The following SEC22A variants were observed in gnomAD, a reference collection of about 807,000 sequenced individuals.
The protein encoded by SEC22A is SEC22 homolog A, vesicle trafficking protein, also known as vesicle-trafficking protein SEC22a.
A neutral mutation model predicts 35.3 loss-of-function variants in SEC22A; 22 were observed. The ratio of observed to expected loss-of-function variants is 0.62; its 90% CI spans 0.45 to 0.89. The LOEUF is 0.89. SEC22A is among the 40% of genes least tolerant of loss of function. SEC22A has a pLI of 0.00. For synonymous variants in SEC22A, 119 were observed against 129.5 expected, an observed-to-expected ratio of 0.92 and a Z score of 0.55; for missense variants, 354 against 362.5, an observed-to-expected ratio of 0.98 and a Z score of 0.19.
At chr3:123,216,928 G>A (rs984258167) in intron 2 of SEC22A, among the ~76,000 whole-genome samples, 9 of 152,098 alleles carry the variant, frequency 5.9e-5, no homozygotes, top group Non-Finnish European at 1.2e-4. Flanking sequence ...CTGGGTTCAC[G>A]TGATCCTCCT....
At chr3:123,229,294 C>T (rs979014184) in intron 4 of SEC22A, among the ~76,000 whole-genome samples, 7 of 152,094 alleles carry the variant, frequency 4.6e-5, no homozygotes, top group African/African-American at 1.7e-4. Context: ...TGTCCCTGAA[C>T]CTAAAATAAA....
chr3:123,205,424 C>T (rs1478404847), intron 1 of SEC22A, among the ~76,000 whole-genome samples: 1 of 152,170 alleles, frequency 6.6e-6, no homozygotes, highest in Non-Finnish European at 1.5e-5. Context: ...CGCAGTGGCT[C>T]ACACCTGTAA....
chr3:123,253,639 G>A (rs1339283080), intron 5 of SEC22A, among the ~76,000 whole-genome samples: 1 of 150,990 alleles, frequency 6.6e-6, no homozygotes, highest in Admixed American at 6.6e-5. Context: ...TTGAACCTGG[G>A]AGGCGGAGGT....
At chr3:123,237,489 G>C (rs990885199) in intron 4 of SEC22A, among the ~76,000 whole-genome samples, 1 of 152,152 alleles carries the variant, frequency 6.6e-6, no homozygotes, top group African/African-American at 2.4e-5. Flanking sequence ...AATAGGAATT[G>C]CTACCTATAC....
intron 6 of SEC22A, among the ~76,000 whole-genome samples, chr3:123,265,322 A>G (rs915002984): frequency 1.3e-4 from 20 of 152,162 alleles, no homozygotes; most frequent in African/African-American, 4.8e-4. Flanking sequence ...CTGAGGGACA[A>G]CTGTATATTC....
At chr3:123,250,090 C>G (rs1300591468) in intron 5 of SEC22A, among the ~76,000 whole-genome samples, 1 of 152,108 alleles carries the variant, frequency 6.6e-6, no homozygotes, top group South Asian at 2.1e-4. Flanking sequence ...AAAAATCCAT[C>G]ATTAAAACAC....
At chr3:123,266,033 G>T (rs1938017708) in intron 6 of SEC22A, among the ~76,000 whole-genome samples, 2 of 152,102 alleles carry the variant, frequency 1.3e-5, no homozygotes, top group East Asian at 3.8e-4. Context: ...GGTAGTTTGT[G>T]TTTTTTGAGG....
rs1937829781 is a variant in SEC22A, at chr3:123,259,556, A to G, written c.690A>G (p.Ala230=). Residue 230 remains alanine (A), a synonymous_variant, in exon 6 of 7, where the codon GCA becomes GCG. Coordinates refer to ENST00000492595, the MANE Select transcript of SEC22A (RefSeq NM_012430.5). The part of the protein sequence containing the change: ...SDGDDFNYII[A]FFLGTAACLY... ...GTGATGATTTTAATTACATCATTGC[A>G]TTTTTCCTTGGAACAGCAGCCTGCC... 5.0e-6 allele frequency: 8 copies of G among 1,613,176 alleles called. No homozygotes were observed. Among genetic ancestry groups the G allele is most frequent in the Non-Finnish European group, 6.8e-6 (8 of 1,179,468 alleles).
chr3:123,222,575 T>A (rs1298278566), intron 2 of SEC22A, among the ~76,000 whole-genome samples: 1 of 152,196 alleles, frequency 6.6e-6, no homozygotes, highest in Admixed American at 6.5e-5. Context: ...AAGAATACAC[T>A]TTTTCCTTTT....
rs1225078170 is a variant in SEC22A, at chr3:123,271,713, T to C, written c.915T>C (p.Tyr305=). Residue 305 remains tyrosine (Y), a synonymous_variant, in exon 7 of 7, where the codon TAT becomes TAC. Coordinates refer to ENST00000492595, the MANE Select transcript of SEC22A (RefSeq NM_012430.5). ...AAGCCCAGGGCAAGGCTCCCGATTA[T>C]GATGTCTGACACCATCCTTCAGATC... ...LRQAQGKAPD[Y]DV is the part of the protein sequence containing the mutation. The C allele has an allele frequency of 6.2e-7, 1 of 1,613,924 alleles. No individual in the cohort carries two copies. Among genetic ancestry groups the C allele is most frequent in the South Asian group, 1.1e-5 (1 of 91,078 alleles).
chr3:123,250,850 C>T lies in SEC22A; in HGVS notation c.657+4836C>T, dbSNP rs375761531. On this transcript the variant is annotated intron_variant, in intron 5 of 6. Transcript: ENST00000492595. ...ATGTATTTTAATTTGCATAAAGAAA[C>T]TGGAAAGATAAGAGACTAATGAACA... 3.3e-5 allele frequency among the ~76,000 whole-genome samples: 5 copies of T among 152,204 alleles called. No individual in the cohort carries two copies. In the East Asian group the frequency reaches 9.6e-4, roughly 29 times the overall value.
intron 4 of SEC22A, among the ~76,000 whole-genome samples, chr3:123,232,937 A>G (rs1412916143): frequency 6.6e-6 from 1 of 152,164 alleles, no homozygotes; most frequent in African/African-American, 2.4e-5. Flanking sequence ...GTTTGAGACC[A>G]GCCTGGACAA....
intron 4 of SEC22A, among the ~76,000 whole-genome samples, chr3:123,229,468 A>G (rs1057416533): frequency 6.6e-6 from 1 of 152,254 alleles, no homozygotes; most frequent in Admixed American, 6.5e-5. Flanking sequence ...TATATCTAGC[A>G]AAGTTATCTT....
chr3:123,225,561 CA>C (rs1433236589), intron 4 of SEC22A, among the ~76,000 whole-genome samples: 5 of 152,062 alleles, frequency 3.3e-5, no homozygotes, highest in South Asian at 2.1e-4. Flanking sequence ...AGTTAATTTT[CA>C]TGGGTACATA....
chr3:123,208,036 AT>A (rs1277861351), intron 1 of SEC22A, among the ~76,000 whole-genome samples: 12 of 152,312 alleles, frequency 7.9e-5, no homozygotes, highest in African/African-American at 2.9e-4. Flanking sequence ...AGGTGAGCAT[AT>A]TCTTAATTTG....
chr3:123,231,339 C>G (rs1937322291), intron 4 of SEC22A, among the ~76,000 whole-genome samples: 1 of 152,162 alleles, frequency 6.6e-6, no homozygotes, highest in South Asian at 2.1e-4. Flanking sequence ...TTAGGATACT[C>G]CATTTAACAA....
intron 6 of SEC22A, among the ~76,000 whole-genome samples, chr3:123,266,200 TCTTA>T (rs948717885): frequency 4.6e-5 from 7 of 152,114 alleles, no homozygotes; most frequent in African/African-American, 7.2e-5. Context: ...TCTTTGTCAG[TCTTA>T]CTTGTTAATT....
At chr3:123,221,587 AC>A (rs1937125313) in intron 2 of SEC22A, among the ~76,000 whole-genome samples, 1 of 151,678 alleles carries the variant, frequency 6.6e-6, no homozygotes, top group Non-Finnish European at 1.5e-5. Flanking sequence ...AGCTATATTG[AC>A]AGTGCTATGC....
chr3:123,260,530 T>A (rs930426632), intron 6 of SEC22A, among the ~76,000 whole-genome samples: 1 of 152,180 alleles, frequency 6.6e-6, no homozygotes, highest in Non-Finnish European at 1.5e-5. Context: ...ATAGTCACAT[T>A]TCCAAGGCCA....
Sources: allele counts gnomAD v4.1 joint callset (sites outside exome capture counted in the v4.1 genomes callset), GRCh38; gene constraint gnomAD v4.1.1; transcripts MANE v1.5; gene names NCBI Gene and HGNC (gene_info 2026-07-23, HGNC 2026-07-21).